ZNF487: variants seen among roughly 807,000 people sequenced by gnomAD.
ZNF487 encodes KRAB domain only 1.
Under a neutral mutation model 3.0 loss-of-function variants are expected in ZNF487, and 4 were observed. The ratio of observed to expected loss-of-function variants is 1.35; its 90% CI spans 0.66 to 3.08. The LOEUF (loss-of-function observed/expected upper bound fraction) is 3.08, where lower values mean the gene tolerates loss of function less well. Among genes scored for constraint, ZNF487 ranks in the 30% most tolerant of loss-of-function variants. The pLI is 0.01. For missense variants in ZNF487, 146 were observed against 98.7 expected, an observed-to-expected ratio of 1.48 and a Z score of -2.03; for synonymous variants, 55 against 34.6, an observed-to-expected ratio of 1.59 and a Z score of -2.06.
the ZNF487 span, among the ~76,000 whole-genome samples, chr10:43,502,773 G>A: frequency 4.2e-4 from 64 of 152,278 alleles, no homozygotes; most frequent in African/African-American, 9.9e-4. Flanking sequence ...GCTCATGCCT[G>A]TAATACCAGC....
rs116113988 is a variant in ZNF487, at chr10:43,450,198, C to T, written c.-94+12936C>T. Among the ~76,000 whole-genome samples the T allele has an allele frequency of 1.7e-3, 258 of 152,262 alleles. 1 individual carries two copies. Among genetic ancestry groups the T allele is most frequent in the African/African-American group, 5.7e-3 (238 of 41,548 alleles). The stretch of plus-strand genomic sequence containing the variant: ...ACCTGGGATTATTGGCATGTGCCAC[C>T]ACACCCGGCTAGGCTAATTTTGTAT... On this transcript the variant is annotated intron_variant, in intron 1 of 3. Transcript: ENST00000437590.
rs759141359 is a variant in ZNF487, at chr10:43,482,545, T to C, written c.*623T>C. On this transcript the variant is annotated 3_prime_UTR_variant, in exon 4 of 4. Coordinates refer to ENST00000437590, the MANE Select transcript of ZNF487 (RefSeq NM_001355444.3). Reference sequence around the variant, plus strand: ...TTCTGTGAGAAGTCAAATCTTCATGTACATCAGAGAACACACACAGGAGAG... The same window carrying C: ...TTCTGTGAGAAGTCAAATCTTCATGCACATCAGAGAACACACACAGGAGAG... 3 of 504,074 alleles carry C rather than the reference T, an allele frequency of 6.0e-6. No individual in the cohort carries two copies. In the East Asian group the frequency reaches 1.7e-4, roughly 29 times the overall value. The allele number at this position is 504,074 out of a possible 1,614,324, so 31.2% of individuals were successfully genotyped here. A position where few individuals can be genotyped will look rare whatever the true frequency, so the allele number is the denominator to read the frequency against.
intron 1 of ZNF487, among the ~76,000 whole-genome samples, chr10:43,470,017 A>G (rs141963416): frequency 1.3e-5 from 2 of 152,258 alleles, no homozygotes; most frequent in African/African-American, 2.4e-5. Context: ...CACTTAATAG[A>G]CTATAGTATA....
chr10:43,439,709 TAAA>T lies in ZNF487; in HGVS notation c.-94+2448_-94+2450del, dbSNP rs531839753. Among the ~76,000 whole-genome samples the T allele has an allele frequency of 4.7e-3, 708 of 151,884 alleles. 7 individuals are homozygous for T. The highest frequency in any genetic ancestry group is 0.016 in the African/African-American group (663 of 41,398). On this transcript the variant is annotated intron_variant, in intron 1 of 3. Transcript: ENST00000437590. ...ACAGAGTGAGACTCCATCTCAAAAA[TAAA>T]TAAATAAGTGAAAATAAAAAAGAAA...
the ZNF487 span, among the ~76,000 whole-genome samples, chr10:43,516,161 C>T: frequency 6.6e-6 from 1 of 152,284 alleles, no homozygotes; most frequent in South Asian, 2.1e-4. Context: ...TGGTTCTCCA[C>T]ATATGGTCAA....
At position 43,479,772 on chromosome 10, in the gene ZNF487, C is replaced by G. The variant is rs188511875; in HGVS notation, c.131-1657C>G. 3.3e-5 allele frequency among the ~76,000 whole-genome samples: 5 copies of G among 152,058 alleles called. No homozygotes were observed. The East Asian group carries it at 9.6e-4, about 29-fold the overall frequency. On this transcript the variant is annotated intron_variant, in intron 3 of 3. Transcript: ENST00000437590. ...AAGTGACTCTACTGCCTCAGCCACC[C>G]GAGTAGCTGGGACTACAGGCACCCA...
chr10:43,442,285 A>C (rs1281090229), intron 1 of ZNF487, among the ~76,000 whole-genome samples: 1 of 152,008 alleles, frequency 6.6e-6, no homozygotes, highest in African/African-American at 2.4e-5. Flanking sequence ...AAAACAAAGA[A>C]AAAAACTCTT....
intron 3 of ZNF487, among the ~76,000 whole-genome samples, chr10:43,481,205 C>T (rs1841341297): frequency 6.6e-6 from 1 of 151,872 alleles, no homozygotes; most frequent in East Asian, 1.9e-4. Context: ...GTGGTACATA[C>T]TTGTAATCCC....
chr10:43,465,283 G>T (rs948084642), intron 1 of ZNF487, among the ~76,000 whole-genome samples: 76 of 151,414 alleles, frequency 5.0e-4, no homozygotes, highest in African/African-American at 1.7e-3. Context: ...CTGGCCTGGC[G>T]GGGGCTGATC....
At chr10:43,518,802 C>A in the ZNF487 span, among the ~76,000 whole-genome samples, 2 of 152,160 alleles carry the variant, frequency 1.3e-5, no homozygotes, top group Non-Finnish European at 2.9e-5. Context: ...TCACAACTCT[C>A]TTATACATTC....
intron 1 of ZNF487, among the ~76,000 whole-genome samples, chr10:43,456,246 C>A (rs1038004612): frequency 6.6e-6 from 1 of 152,152 alleles, no homozygotes; most frequent in Non-Finnish European, 1.5e-5. Flanking sequence ...ATGATTTTGG[C>A]CCCTAGGGCC....
At chr10:43,516,604 A>G in the ZNF487 span, among the ~76,000 whole-genome samples, 4 of 152,178 alleles carry the variant, frequency 2.6e-5, no homozygotes, top group Non-Finnish European at 5.9e-5. Context: ...GCAAAACTGA[A>G]GAGTCTGATG....
At chr10:43,477,290 A>G (rs1288045430) in intron 3 of ZNF487, among the ~76,000 whole-genome samples, 1 of 150,024 alleles carries the variant, frequency 6.7e-6, no homozygotes, top group African/African-American at 2.5e-5. Context: ...TCTGCCTCCC[A>G]GCTCAGAGAT....
chr10:43,486,538 A>T (rs1324554476), downstream of ZNF487, among the ~76,000 whole-genome samples: 1 of 152,176 alleles, frequency 6.6e-6, no homozygotes, highest in Non-Finnish European at 1.5e-5. Flanking sequence ...AAAAAAAAAA[A>T]AGTCTAAAAG....
the ZNF487 span, among the ~76,000 whole-genome samples, chr10:43,500,081 A>C: frequency 1.3e-5 from 2 of 151,884 alleles, no homozygotes; most frequent in Admixed American, 1.3e-4. Context: ...ATGGGATTTC[A>C]CCAGGCTGAT....
the ZNF487 span, among the ~76,000 whole-genome samples, chr10:43,513,815 G>C: frequency 7.8e-4 from 119 of 152,256 alleles, no homozygotes; most frequent in African/African-American, 2.8e-3. Flanking sequence ...TTAATTACCT[G>C]ATCTCTATAA....
At chr10:43,497,996 A>G in the ZNF487 span, among the ~76,000 whole-genome samples, 14 of 144,550 alleles carry the variant, frequency 9.7e-5, 1 homozygote, top group Admixed American at 9.8e-4. Context: ...ATATATATAT[A>G]TATATGTATA....
Position 43,481,553 on chromosome 10 carries a change from A to G in ZNF487, c.255A>G (p.Thr85=), listed in dbSNP as rs768194628. 21 of 710,652 alleles carry G rather than the reference A, an allele frequency of 3.0e-5. No homozygotes were observed. In the African/African-American group the frequency reaches 3.0e-4, roughly 10 times the overall value. 44.0% of individuals were successfully genotyped at this position (710,652 alleles called of 1,614,324 possible). The change falls in exon 4 of 4, where the codon ACA becomes ACG. Residue 85 remains threonine (T), a synonymous_variant. Transcript: ENST00000437590. ...ACAGAAATGGTGTATTAGGAAAAAC[A>G]TTTTCTCTTGACACAAACCCCATTC... ...TMDRNGVLGK[T]FSLDTNPILS...
intron 1 of ZNF487, among the ~76,000 whole-genome samples, chr10:43,440,841 T>A (rs1472832589): frequency 4.0e-5 from 6 of 151,858 alleles, no homozygotes; most frequent in African/African-American, 1.5e-4. Flanking sequence ...AAAAGACATA[T>A]TGAGTAGTTT....
Sources: allele counts gnomAD v4.1 joint callset (sites outside exome capture counted in the v4.1 genomes callset), GRCh38; gene constraint gnomAD v4.1.1; transcripts MANE v1.5; gene names NCBI Gene and HGNC (gene_info 2026-07-23, HGNC 2026-07-21).